The following RAI14 variants were observed in gnomAD, a reference collection of about 807,000 sequenced individuals.
The protein encoded by RAI14 is retinoic acid induced 14.
A neutral mutation model predicts 115.4 loss-of-function variants in RAI14; 45 were observed. The observed-to-expected ratio is 0.39, with a 90% CI of 0.31 to 0.50. The LOEUF (loss-of-function observed/expected upper bound fraction) is 0.50. RAI14 is among the 20% of genes least tolerant of loss of function. RAI14 has a pLI of 0.85. For synonymous variants in RAI14, 371 were observed against 415.4 expected, an observed-to-expected ratio of 0.89 and a Z score of 1.30; for missense variants, 939 against 1,131.2, an observed-to-expected ratio of 0.83 and a Z score of 2.44.
intron 2 of RAI14, among the ~76,000 whole-genome samples, chr5:34,737,548 G>A (rs1424958518): frequency 1.3e-5 from 2 of 151,720 alleles, no homozygotes; most frequent in African/African-American, 4.9e-5. Flanking sequence ...CTTGAGCTTA[G>A]GAGTTTGAGA....
chr5:34,736,906 G>A (rs1744947479), intron 2 of RAI14, among the ~76,000 whole-genome samples: 1 of 152,224 alleles, frequency 6.6e-6, no homozygotes, highest in Non-Finnish European at 1.5e-5. Context: ...GTATTTGTCT[G>A]TGGCCTGTTA....
At chr5:34,759,278 A>AG (rs370185764) in intron 3 of RAI14, among the ~76,000 whole-genome samples, 1 of 151,944 alleles carries the variant, frequency 6.6e-6, no homozygotes, top group Non-Finnish European at 1.5e-5. Flanking sequence ...GAAAAAAAAA[A>AG]GGTTGAGTGC....
intron 3 of RAI14, among the ~76,000 whole-genome samples, chr5:34,764,467 G>A (rs164312): frequency 0.17 from 25,318 of 151,880 alleles, 2,385 homozygotes; most frequent in African/African-American, 0.27. Flanking sequence ...AGCCCAGAGC[G>A]TTCCAACAGG....
chr5:34,776,813 A>AAAAAAACAACAAAAAAAAAC (rs1287027983), intron 3 of RAI14, among the ~76,000 whole-genome samples: 3 of 147,534 alleles, frequency 2.0e-5, no homozygotes, highest in Non-Finnish European at 3.0e-5. Context: ...TATTAAAAAA[A>AAAAAAACAACAAAAAAAAAC]CCCACCAAAA....
At chr5:34,816,297 A>G (rs907217369) in intron 12 of RAI14, among the ~76,000 whole-genome samples, 1 of 152,206 alleles carries the variant, frequency 6.6e-6, no homozygotes, top group African/African-American at 2.4e-5. Context: ...AGAGACAAAG[A>G]TAAGAACTTA....
At chr5:34,702,911 G>C (rs1740258014) in intron 2 of RAI14, among the ~76,000 whole-genome samples, 1 of 152,130 alleles carries the variant, frequency 6.6e-6, no homozygotes, top group Non-Finnish European at 1.5e-5. Context: ...TCTCCATATT[G>C]GTCAGGCTTG....
intron 2 of RAI14, among the ~76,000 whole-genome samples, chr5:34,721,898 A>G (rs564769256): frequency 6.6e-6 from 1 of 152,166 alleles, no homozygotes; most frequent in East Asian, 1.9e-4. Flanking sequence ...TAGTAGAGCC[A>G]GGGTTTCACC....
In RAI14 at chr5:34,814,597, T is replaced by C. The variant is rs1755971583; in HGVS notation, c.867T>C (p.Ser289=). 1.2e-6 allele frequency: 2 copies of C among 1,612,876 alleles called. No homozygotes were observed. Among genetic ancestry groups the C allele is most frequent in the African/African-American group, 1.3e-5 (1 of 74,906 alleles). ...PISPTQLSDV[S]SPRSITSTPL... ...TTCTTTTTTAGTTGAGTGATGTCTC[T>C]TCCCCAAGATCAATAACTTCGACTC... Residue 289 remains serine (S), a synonymous_variant, in exon 12 of 18, where the codon TCT becomes TCC. Transcript: ENST00000265109.
intron 2 of RAI14, among the ~76,000 whole-genome samples, chr5:34,730,692 T>A (rs865949392): frequency 2.7e-4 from 41 of 151,776 alleles, no homozygotes; most frequent in Non-Finnish European, 3.4e-4. Context: ...AAATAAAAAA[T>A]AAAAACAGGG....
intron 14 of RAI14, 100 bp downstream of exon 14, chr5:34,821,950 C>G (rs911741188): frequency 5.0e-6 from 3 of 597,130 alleles, no homozygotes; most frequent in Non-Finnish European, 8.7e-6. Flanking sequence ...ACATTAGTTT[C>G]TTTTTAAATA....
chr5:34,812,011 G>T (rs1203935900), intron 9 of RAI14, 66 bp downstream of exon 9: 5 of 1,401,524 alleles, frequency 3.6e-6, no homozygotes, highest in Non-Finnish European at 4.9e-6. Flanking sequence ...AAAGGATAAA[G>T]GAATGTGTGC....
chr5:34,754,937 C>T (rs1393329814), intron 2 of RAI14, among the ~76,000 whole-genome samples: 1 of 152,164 alleles, frequency 6.6e-6, no homozygotes, highest in Non-Finnish European at 1.5e-5. Flanking sequence ...TGCTTGAATA[C>T]TTTCAGTCCT....
intron 3 of RAI14, among the ~76,000 whole-genome samples, chr5:34,761,799 A>G (rs1021307033): frequency 6.6e-6 from 1 of 151,968 alleles, no homozygotes; most frequent in African/African-American, 2.4e-5. Context: ...CGATTATTTT[A>G]TTCTATTTAT....
intron 3 of RAI14, among the ~76,000 whole-genome samples, chr5:34,776,814 C>A (rs964560323): frequency 2.9e-5 from 3 of 105,140 alleles, no homozygotes; most frequent in African/African-American, 5.6e-5. Context: ...ATTAAAAAAA[C>A]CCACCAAAAC....
chr5:34,753,669 A>G (rs1747450412), intron 2 of RAI14, among the ~76,000 whole-genome samples: 2 of 152,146 alleles, frequency 1.3e-5, no homozygotes, highest in South Asian at 4.1e-4. Flanking sequence ...TAATCCCAGC[A>G]CTTTGGGAGG....
chr5:34,798,463 T>C (rs1178540096), intron 4 of RAI14, among the ~76,000 whole-genome samples: 1 of 152,178 alleles, frequency 6.6e-6, no homozygotes, highest in Non-Finnish European at 1.5e-5. Context: ...ATATTTCTAT[T>C]TTGTTGTATT....
chr5:34,743,851 A>G (rs1044188091), intron 2 of RAI14, among the ~76,000 whole-genome samples: 1 of 152,146 alleles, frequency 6.6e-6, no homozygotes, highest in African/African-American at 2.4e-5. Flanking sequence ...CGTAGAATTT[A>G]TAACTTGAAG....
intron 2 of RAI14, among the ~76,000 whole-genome samples, chr5:34,746,235 A>G (rs1163304831): frequency 6.6e-6 from 1 of 151,402 alleles, no homozygotes; most frequent in Non-Finnish European, 1.5e-5. Context: ...CCTGCCAAGT[A>G]GCTGGGACTA....
intron 3 of RAI14, among the ~76,000 whole-genome samples, chr5:34,762,321 C>T (rs1445409925): frequency 6.6e-6 from 1 of 152,098 alleles, no homozygotes; most frequent in African/African-American, 2.4e-5. Context: ...CCTAGAGAGC[C>T]AGGCAGTCTA....
Sources: gnomAD v4.1 joint callset for allele counts (sites outside exome capture counted in the v4.1 genomes callset) on GRCh38, gnomAD v4.1.1 for gene constraint, MANE v1.5 for transcripts, NCBI Gene and HGNC (gene_info 2026-07-23, HGNC 2026-07-21) for gene names.